Variants in RASA3 observed in about 807,000 individuals in gnomAD.
RASA3 encodes ras GTPase-activating protein 3.
Under a neutral mutation model 110.0 loss-of-function variants are expected in RASA3, and 73 were observed. The ratio of observed to expected loss-of-function variants is 0.66; its 90% CI spans 0.55 to 0.81. The LOEUF (loss-of-function observed/expected upper bound fraction) is 0.81, where lower values mean the gene tolerates loss of function less well. Ranked by LOEUF, RASA3 falls within the 30% of genes least tolerant of loss-of-function variation. The pLI is 0.00. For synonymous variants in RASA3, 500 were observed against 451.4 expected, an observed-to-expected ratio of 1.11 and a Z score of -1.37; for missense variants, 976 against 1,113.2, an observed-to-expected ratio of 0.88 and a Z score of 1.75.
Position 114,007,583 on chromosome 13 carries a change from C to T in RASA3, c.1692G>A (p.Ser564=), listed in dbSNP as rs146882654. 40 of 1,613,232 alleles carry T rather than the reference C, an allele frequency of 2.5e-5. No individual in the cohort carries two copies. The highest frequency in any genetic ancestry group is 2.2e-5 in the Non-Finnish European group (26 of 1,179,754). The part of the protein sequence containing the change: ...VKNFLDLISS[S]GRRDPKSVEQ... The stretch of plus-strand genomic sequence containing the variant: ...CAACACTCTTGGGGTCTCTTCTCCC[C>T]GAGGACGAAATCAGATCCAAGAACT... The change falls in exon 18 of 24, where the codon TCG becomes TCA. Residue 564 remains serine, a synonymous_variant. Coordinates refer to ENST00000334062, the MANE Select transcript of RASA3 (RefSeq NM_007368.4).
intron 21 of RASA3, among the ~76,000 whole-genome samples, chr13:113,995,007 G>A (rs1321406497): frequency 1.3e-5 from 2 of 152,216 alleles, no homozygotes; most frequent in Non-Finnish European, 2.9e-5. Context: ...TCCCCGAGCT[G>A]GGAGAACTGA....
Position 114,048,645 on chromosome 13 carries a change from C to T in RASA3, c.277+3407G>A, listed in dbSNP as rs1468116559. ...CCGAGTCCAGGCAGAGGCCGCCTCC[C>T]TGCGCCTGGAATCCCGAAGGAGCCT... On this transcript the variant is annotated intron_variant, in intron 3 of 23. Transcript: ENST00000334062. The surrounding 1 kb of genome is among the most constrained non-coding windows in gnomAD (Gnocchi z 4.3). Among the ~76,000 whole-genome samples, 1 of 152,228 alleles carries T rather than the reference C, an allele frequency of 6.6e-6. No homozygotes were observed. The highest frequency in any genetic ancestry group is 1.5e-5 in the Non-Finnish European group (1 of 68,030).
intron 3 of RASA3, among the ~76,000 whole-genome samples, chr13:114,049,195 G>C (rs2079103286): frequency 6.6e-6 from 1 of 152,110 alleles, no homozygotes; most frequent in Non-Finnish European, 1.5e-5. Flanking sequence ...ACGAGAACCA[G>C]GAGAACCACG....
At chr13:114,054,954 GTGGGTGTGTGCACGTGTGTGCCCA>G (rs548742102) in intron 2 of RASA3, among the ~76,000 whole-genome samples, 7,202 of 151,796 alleles carry the variant, frequency 0.047, 179 homozygotes, top group Middle Eastern at 0.089. Context: ...GCATGTGTGT[GTGGGTGTGTGCACGTGTGTGCCCA>G]TGGGTGTGTG....
rs372821661 is a variant in RASA3, at chr13:114,018,121, C to T, written c.1074G>A (p.Ala358=). The change falls in exon 11 of 24, where the codon GCG becomes GCA. Residue 358 remains alanine (A), a synonymous_variant. Transcript: ENST00000334062. The part of the protein sequence containing the change: ...VVPFISAIAS[A]EVKRTQDPNT... Reference sequence around the variant, plus strand: ...GCACTCACTGGGTCCGCTTCACCTCCGCGCTGGCGATGGCACTGATGAATG... The same window carrying T: ...GCACTCACTGGGTCCGCTTCACCTCTGCGCTGGCGATGGCACTGATGAATG... 4.2e-5 allele frequency: 65 copies of T among 1,547,754 alleles called. No individual in the cohort carries two copies. Among genetic ancestry groups the T allele is most frequent in the East Asian group, 7.4e-5 (3 of 40,804 alleles).
At chr13:114,099,562 C>T (rs150342620) in intron 1 of RASA3, among the ~76,000 whole-genome samples, 2,447 of 149,492 alleles carry the variant, frequency 0.016, 29 homozygotes, top group African/African-American at 0.031. Flanking sequence ...GACCTAAGTA[C>T]GGCTCTGTTT....
At chr13:114,094,862 C>T (rs929257699) in intron 1 of RASA3, among the ~76,000 whole-genome samples, 1 of 152,182 alleles carries the variant, frequency 6.6e-6, no homozygotes, top group Non-Finnish European at 1.5e-5. Flanking sequence ...GTACCGAGAC[C>T]GAGGCGCGGG....
chr13:114,081,086 C>G (rs12872316), intron 1 of RASA3, among the ~76,000 whole-genome samples: 5,012 of 113,358 alleles, frequency 0.044, 414 homozygotes, highest in African/African-American at 0.16. Flanking sequence ...GGCCGTCCAC[C>G]TAGAACACCA....
Position 114,065,888 on chromosome 13 carries a change from AGTCTTCAAAC to A in RASA3, c.173+7822_173+7831del, listed in dbSNP as rs2079439941. ...TGAAATGTTGGCAAATAGAGCTGTGAGTCTTCAAACGGAACCCAAAGACTCAGTGAGGAAA... is the reference window on the plus strand; with the variant it reads ...TGAAATGTTGGCAAATAGAGCTGTGAGGAACCCAAAGACTCAGTGAGGAAA... On this transcript the variant is annotated intron_variant, in intron 2 of 23. Coordinates refer to ENST00000334062, the MANE Select transcript of RASA3 (RefSeq NM_007368.4). This position sits in a 1 kb window ranked among gnomAD's most constrained non-coding sequence, Gnocchi z 4.1. Among the ~76,000 whole-genome samples the A allele has an allele frequency of 6.6e-6, 1 of 152,206 alleles. No homozygotes were observed. The highest frequency in any genetic ancestry group is 6.5e-5 in the Admixed American group (1 of 15,294).
intron 22 of RASA3, among the ~76,000 whole-genome samples, chr13:113,989,489 C>G (rs9590495): frequency 0.04 from 5,847 of 147,528 alleles, 435 homozygotes; most frequent in African/African-American, 0.14. Context: ...CATCACTCAC[C>G]CATGCTTCCA....
chr13:114,067,298 G>A (rs75340967), intron 2 of RASA3, among the ~76,000 whole-genome samples: 2,214 of 152,352 alleles, frequency 0.015, 136 homozygotes, highest in Admixed American at 0.1. Context: ...CTCTGGGGCT[G>A]AGGATGGGTC....
At chr13:114,016,782 C>T (rs1238148264) in intron 12 of RASA3, among the ~76,000 whole-genome samples, 1 of 152,202 alleles carries the variant, frequency 6.6e-6, no homozygotes, top group Admixed American at 6.5e-5. Context: ...TTGCAAAGAA[C>T]CTGTTTACAA....
intron 1 of RASA3, chr13:114,077,750 G>T: frequency 1.1e-6 from 1 of 926,074 alleles, no homozygotes; most frequent in Non-Finnish European, 1.3e-6. Flanking sequence ...CCAGTCCCCT[G>T]GCCCCAAAAC....
At chr13:113,989,972 G>A (rs1175609864) in intron 22 of RASA3, among the ~76,000 whole-genome samples, 1 of 152,218 alleles carries the variant, frequency 6.6e-6, no homozygotes, top group Non-Finnish European at 1.5e-5. Context: ...GGAGGGGCCT[G>A]GAGGAAGGAG....
intron 3 of RASA3, among the ~76,000 whole-genome samples, chr13:114,050,059 T>G (rs963922107): frequency 1.3e-5 from 2 of 152,164 alleles, no homozygotes; most frequent in Non-Finnish European, 2.9e-5. Context: ...GAGGGAGAAC[T>G]GCCAGCCACT....
rs773884260 is a variant in RASA3 at position 113,979,332 on chromosome 13, C to T, written c.*15G>A. On this transcript the variant is annotated 3_prime_UTR_variant, in exon 24 of 24. Coordinates refer to ENST00000334062, the MANE Select transcript of RASA3 (RefSeq NM_007368.4). ...TGGGCAGCTTGCTGGCGCCACTGGG[C>T]GCGTCCCGCAGACTTTAAATGGAAT... 12 of 1,571,164 alleles carry T rather than the reference C, an allele frequency of 7.6e-6. No homozygotes were observed. The highest frequency in any genetic ancestry group is 2.7e-5 in the African/African-American group (2 of 73,930).
chr13:114,080,341 G>A (rs2079763516), intron 1 of RASA3, among the ~76,000 whole-genome samples: 1 of 152,152 alleles, frequency 6.6e-6, no homozygotes, highest in African/African-American at 2.4e-5. Flanking sequence ...GGAGGAGAGG[G>A]CTGTGCGGGC....
At position 113,995,932 on chromosome 13, in the gene RASA3, TG is replaced by T. The variant is rs1282828979; in HGVS notation, c.2141+598del. On this transcript the variant is annotated intron_variant, in intron 21 of 23. Transcript: ENST00000334062. The stretch of plus-strand genomic sequence containing the variant: ...CCCGGCTGATGGGGGGCCCGGCTAA[TG>T]GGGGGGCCCGGCTAATGGGGGGCCC... 7.3e-4 allele frequency among the ~76,000 whole-genome samples: 4 copies of T among 5,510 alleles called. 2 individuals carry two copies. Among genetic ancestry groups the T allele is most frequent in the Admixed American group, 5.2e-3 (2 of 388 alleles). 3.6% of individuals were successfully genotyped at this position (5,510 alleles called of 152,430 possible).
At chr13:114,077,891 G>C (rs528863977) in intron 1 of RASA3, 2 of 984,494 alleles carry the variant, frequency 2.0e-6, no homozygotes, top group South Asian at 4.7e-5. Context: ...AAAAAAAAGT[G>C]GGGGGACAAA....
Sources: gnomAD v4.1 joint callset for allele counts (sites outside exome capture counted in the v4.1 genomes callset) on GRCh38, gnomAD v4.1.1 for gene constraint, Gnocchi (gnomAD v3.1) non-coding constraint, MANE v1.5 for transcripts, NCBI Gene and HGNC (gene_info 2026-07-23, HGNC 2026-07-21) for gene names.